SEMA6D: variants seen among roughly 807,000 people sequenced by gnomAD.
SEMA6D encodes the protein semaphorin-6D.
SEMA6D carries 35 observed loss-of-function variants against 106.6 expected under a neutral mutation model. The ratio of observed to expected loss-of-function variants is 0.33; its 90% CI spans 0.25 to 0.44. The LOEUF (loss-of-function observed/expected upper bound fraction) is 0.44. Among genes scored for constraint, SEMA6D ranks in the 20% least tolerant of loss-of-function variants. The pLI, the probability that SEMA6D is intolerant of heterozygous loss-of-function variation, is 1.00. For missense variants in SEMA6D, 1,185 were observed against 1,345.9 expected, an observed-to-expected ratio of 0.88 and a Z score of 1.87; for synonymous variants, 499 against 487.7, an observed-to-expected ratio of 1.02 and a Z score of -0.31.
At chr15:47,405,303 G>A (rs1439259682) in intron 1 of SEMA6D, among the ~76,000 whole-genome samples, 1 of 152,074 alleles carries the variant, frequency 6.6e-6, no homozygotes, top group Non-Finnish European at 1.5e-5. Flanking sequence ...AGAGCTGGTG[G>A]GGAAGGATTT....
intron 4 of SEMA6D, among the ~76,000 whole-genome samples, chr15:47,614,334 C>G (rs1165884475): frequency 6.6e-6 from 1 of 152,224 alleles, no homozygotes; most frequent in Non-Finnish European, 1.5e-5. Context: ...TCCCTCCAGT[C>G]ATGGCAGGCA....
At chr15:47,704,754 C>A (rs2078881378) in intron 4 of SEMA6D, among the ~76,000 whole-genome samples, 1 of 152,108 alleles carries the variant, frequency 6.6e-6, no homozygotes, top group Non-Finnish European at 1.5e-5. Flanking sequence ...TTGATTAACA[C>A]CTTCAAAATA....
chr15:47,314,546 C>A (rs995985262), intron 1 of SEMA6D, among the ~76,000 whole-genome samples: 20 of 123,988 alleles, frequency 1.6e-4, no homozygotes, highest in Admixed American at 4.0e-4. Flanking sequence ...TGCAGTGAGC[C>A]GAGATCCCGC....
intron 4 of SEMA6D, among the ~76,000 whole-genome samples, chr15:47,661,253 G>A (rs1330525675): frequency 6.6e-6 from 1 of 152,166 alleles, no homozygotes; most frequent in Non-Finnish European, 1.5e-5. Flanking sequence ...GTAGCCTGTT[G>A]TAAATGCCTC....
intron 1 of SEMA6D, among the ~76,000 whole-genome samples, chr15:47,281,450 A>T (rs1410178601): frequency 1.3e-5 from 2 of 149,504 alleles, no homozygotes; most frequent in East Asian, 4.0e-4. Flanking sequence ...TTTCCTGAAT[A>T]CAGCACACTG....
chr15:47,317,905 T>C (rs1324598627), intron 1 of SEMA6D, among the ~76,000 whole-genome samples: 4 of 152,092 alleles, frequency 2.6e-5, no homozygotes, highest in Admixed American at 2.0e-4. Context: ...TTGTCATTAA[T>C]TGGAGAAATT....
chr15:47,592,318 A>G (rs59626232), intron 3 of SEMA6D, among the ~76,000 whole-genome samples: 4,890 of 152,280 alleles, frequency 0.032, 268 homozygotes, highest in African/African-American at 0.11. Context: ...CAGTCCTTCC[A>G]TGTTTCCCTT....
At chr15:47,488,756 T>G (rs2043374518) in intron 3 of SEMA6D, among the ~76,000 whole-genome samples, 1 of 152,004 alleles carries the variant, frequency 6.6e-6, no homozygotes, top group South Asian at 2.1e-4. Context: ...TGGAAGAAAT[T>G]CTCAAAGATG....
chr15:47,731,548 G>A (rs1024068396), intron 1 of SEMA6D, among the ~76,000 whole-genome samples: 10 of 152,204 alleles, frequency 6.6e-5, no homozygotes, highest in Non-Finnish European at 1.3e-4. Flanking sequence ...GTTGATAAGT[G>A]TCTAATGCAG....
intron 3 of SEMA6D, among the ~76,000 whole-genome samples, chr15:47,583,963 C>T: frequency 6.6e-6 from 1 of 152,152 alleles, no homozygotes; most frequent in Admixed American, 6.5e-5. Context: ...CTGTCCTTCT[C>T]CCACTGCAAC....
intron 1 of SEMA6D, among the ~76,000 whole-genome samples, chr15:47,292,141 AAACATTG>A (rs1442158684): frequency 1.3e-5 from 2 of 152,240 alleles, no homozygotes; most frequent in Non-Finnish European, 2.9e-5. Flanking sequence ...TCTGTGCTTG[AAACATTG>A]AACATTGAAT....
intron 3 of SEMA6D, among the ~76,000 whole-genome samples, chr15:47,553,507 T>G (rs1271697405): frequency 6.6e-6 from 1 of 152,174 alleles, no homozygotes; most frequent in African/African-American, 2.4e-5. Flanking sequence ...TAGTTCACAT[T>G]TCCTGCCTGA....
At chr15:47,336,570 A>C (rs1432853272) in intron 1 of SEMA6D, among the ~76,000 whole-genome samples, 2 of 152,294 alleles carry the variant, frequency 1.3e-5, no homozygotes, top group African/African-American at 2.4e-5. Flanking sequence ...ATCGAAGGAC[A>C]CTGAAACTTG....
At chr15:47,612,964 A>G (rs1209935372) in intron 4 of SEMA6D, among the ~76,000 whole-genome samples, 1 of 152,194 alleles carries the variant, frequency 6.6e-6, no homozygotes, top group Non-Finnish European at 1.5e-5. Flanking sequence ...ACATTTCAGA[A>G]TGTTGTAAAT....
Position 47,761,005 on chromosome 15 carries a change from T to C in SEMA6D, c.249T>C (p.Asn83=). The C allele has an allele frequency of 1.2e-6, 2 of 1,613,526 alleles. No individual in the cohort carries two copies. Among genetic ancestry groups the C allele is most frequent in the Non-Finnish European group, 1.7e-6 (2 of 1,179,658 alleles). The change falls in exon 4 of 19, where the codon AAT becomes AAC. Residue 83 remains asparagine (N), a synonymous_variant. Coordinates refer to ENST00000536845, the MANE Select transcript of SEMA6D (RefSeq NM_001358351.3). ...ATCAAGTTTATACAGTAAACTTAAA[T>C]GAAATGCCCAAAACAGAAGTAATAC... ...GRDQVYTVNL[N]EMPKTEVIPN...
In SEMA6D at chr15:47,577,686, A is replaced by G. The variant is rs565269818; in HGVS notation, c.-86-23179A>G. On this transcript the variant is annotated intron_variant, in intron 3 of 19. Transcript: ENST00000558014. ...AGAGGGAACTGGACAGTGATTGAGG[A>G]ATGATGGCTAAAATTAGTTTTTGCT... 4.5e-4 allele frequency among the ~76,000 whole-genome samples: 69 copies of G among 152,256 alleles called. No individual in the cohort carries two copies. The South Asian group carries it at 0.011, about 23-fold the overall frequency.
intron 3 of SEMA6D, among the ~76,000 whole-genome samples, chr15:47,539,078 C>T (rs2045273094): frequency 6.6e-6 from 1 of 152,158 alleles, no homozygotes; most frequent in African/African-American, 2.4e-5. Flanking sequence ...CACGCCTTTC[C>T]CGGACAAGGT....
At chr15:47,276,560 C>G (rs527794990) in intron 1 of SEMA6D, among the ~76,000 whole-genome samples, 12 of 152,232 alleles carry the variant, frequency 7.9e-5, no homozygotes, top group Non-Finnish European at 1.6e-4. Flanking sequence ...GACACTACAT[C>G]TGTTTACTGC....
At chr15:47,519,988 C>G (rs2044518857) in intron 3 of SEMA6D, among the ~76,000 whole-genome samples, 1 of 152,184 alleles carries the variant, frequency 6.6e-6, no homozygotes, top group South Asian at 2.1e-4. Flanking sequence ...CTAATCTTTC[C>G]TCATGCAGCC....
Sources: gnomAD v4.1 joint callset for allele counts (sites outside exome capture counted in the v4.1 genomes callset) on GRCh38, gnomAD v4.1.1 for gene constraint, MANE v1.5 for transcripts, NCBI Gene and HGNC (gene_info 2026-07-23, HGNC 2026-07-21) for gene names.